Variants in NPAS1 observed in about 807,000 individuals in gnomAD.
The protein encoded by NPAS1 is neuronal PAS domain protein 1, also known as neuronal PAS domain-containing protein 1.
In NPAS1, 29 loss-of-function variants were observed where a neutral mutation model predicts 49.2. The ratio of observed to expected loss-of-function variants is 0.59; its 90% CI spans 0.44 to 0.80. NPAS1 has a LOEUF of 0.80. NPAS1 is among the 30% of genes least tolerant of loss of function. NPAS1 has a pLI of 0.00. For missense variants in NPAS1, 825 were observed against 835.5 expected (o/e 0.99, Z 0.15); for synonymous variants, 408 against 380.4 (o/e 1.07, Z -0.84).
At chr19:47,027,758 C>T (rs73059348) in intron 3 of NPAS1, among the ~76,000 whole-genome samples, 15,148 of 150,172 alleles carry the variant, frequency 0.1, 1,022 homozygotes, top group East Asian at 0.19. Context: ...TCCCTCTCTG[C>T]GCAAGAGATG....
chr19:47,035,233 A>T, intron 5 of NPAS1: 1 of 132,916 alleles, frequency 7.5e-6, no homozygotes. Context: ...AAAGGCTTGA[A>T]GCTGTTGAAG....
chr19:47,040,389 C>A, intron 8 of NPAS1, 55 bp from the exon 9 acceptor site: 1 of 1,270,060 alleles, frequency 7.9e-7, no homozygotes, highest in Non-Finnish European at 1.1e-6. Context: ...CCAACTCTGC[C>A]TCTCCCCCAA....
intron 6 of NPAS1, among the ~76,000 whole-genome samples, chr19:47,037,615 C>G (rs554093998): frequency 6.6e-5 from 10 of 152,196 alleles, no homozygotes; most frequent in African/African-American, 2.4e-4. Flanking sequence ...ACCCTGCCGG[C>G]TCTTTTTAGC....
chr19:47,035,884 G>C, intron 5 of NPAS1, 80 bp from the exon 6 acceptor site: 1 of 1,408,176 alleles, frequency 7.1e-7, no homozygotes, highest in Non-Finnish European at 9.4e-7. Context: ...GGCAAATGAG[G>C]CAAGGCTGAG....
intron 9 of NPAS1, 132 bp from the exon 10 acceptor site, chr19:47,040,846 T>C: frequency 1.3e-6 from 1 of 760,698 alleles, no homozygotes; most frequent in Admixed American, 3.1e-5. Context: ...TTCACCTTTT[T>C]CTCTTCTCCC....
intron 5 of NPAS1, among the ~76,000 whole-genome samples, chr19:47,035,642 G>A (rs566656820): frequency 6.6e-6 from 1 of 152,242 alleles, no homozygotes; most frequent in East Asian, 1.9e-4. Flanking sequence ...TTTGCTGTAT[G>A]GGGGTGGTAG....
intron 5 of NPAS1, 70 bp downstream of exon 5, chr19:47,032,802 C>T: frequency 9.0e-7 from 1 of 1,116,870 alleles, no homozygotes; most frequent in Non-Finnish European, 1.4e-6. Flanking sequence ...GCATATCCTT[C>T]CTCTCTCCTG....
At chr19:47,020,401 G>C (rs1452549388) in intron 1 of NPAS1, among the ~76,000 whole-genome samples, 1 of 151,744 alleles carries the variant, frequency 6.6e-6, no homozygotes, top group African/African-American at 2.4e-5. Flanking sequence ...GCGCGCCGGG[G>C]TCTTCAGGGA....
intron 11 of NPAS1, among the ~76,000 whole-genome samples, chr19:47,044,859 A>AT (rs1242469212): frequency 1.3e-5 from 2 of 151,950 alleles, no homozygotes; most frequent in Non-Finnish European, 2.9e-5. Flanking sequence ...GCGACACCCC[A>AT]TCTCTACTTA....
chr19:47,035,849 C>T, intron 5 of NPAS1, 115 bp from the exon 6 acceptor site: 1 of 1,046,202 alleles, frequency 9.6e-7, no homozygotes. Context: ...AAAAAACACA[C>T]TGGCATGAAG....
chr19:47,027,810 T>G (rs993040819), intron 3 of NPAS1, among the ~76,000 whole-genome samples: 1 of 152,056 alleles, frequency 6.6e-6, no homozygotes, highest in Non-Finnish European at 1.5e-5. Flanking sequence ...AGCAAGTGTT[T>G]GTTAAATGGA....
Position 47,041,139 on chromosome 19 carries a change from C to T in NPAS1, c.1217+14C>T. 2 of 1,560,736 alleles carry T rather than the reference C, an allele frequency of 1.3e-6. No individual in the cohort carries two copies. The highest frequency in any genetic ancestry group is 2.3e-5 in the South Asian group (2 of 85,260). On this transcript the variant is annotated intron_variant, in intron 10 of 11. Coordinates refer to ENST00000602212, the MANE Select transcript of NPAS1 (RefSeq NM_002517.4). The stretch of plus-strand genomic sequence containing the variant: ...CCACGTGCTCAGGTGAGGGCTGTGC[C>T]CACCCCTCCTGCAGGGCACTCAGGG...
intron 8 of NPAS1, 48 bp from the exon 9 acceptor site, chr19:47,040,396 C>G (rs546450185): frequency 7.4e-7 from 1 of 1,354,336 alleles, no homozygotes; most frequent in African/African-American, 1.4e-5. Flanking sequence ...TGCCTCTCCC[C>G]CAACCCCGTG....
At chr19:47,027,184 G>A (rs772559059) in intron 3 of NPAS1, among the ~76,000 whole-genome samples, 5 of 152,158 alleles carry the variant, frequency 3.3e-5, no homozygotes, top group African/African-American at 7.2e-5. Context: ...CCCTCTCCCC[G>A]ACTTCCCTGG....
In NPAS1 at chr19:47,043,564, T is replaced by G. The variant is rs2057044390; in HGVS notation, c.1312+660T>G. ...GAGATCATGCCACTGCACTCCAGTC[T>G]AGGTGACAGAGCAAGATTTAAAACA... is the stretch of plus-strand genomic sequence containing the variant. On this transcript the variant is annotated intron_variant, in intron 11 of 11. Coordinates refer to ENST00000602212, the MANE Select transcript of NPAS1 (RefSeq NM_002517.4). Among the ~76,000 whole-genome samples the G allele has an allele frequency of 2.0e-5, 3 of 151,802 alleles. No homozygotes were observed. In the South Asian group the frequency reaches 6.2e-4, roughly 31 times the overall value.
Position 47,021,236 on chromosome 19 carries a change from T to A in NPAS1, c.122+67T>A. 1 of 1,385,326 alleles carries A rather than the reference T, an allele frequency of 7.2e-7. No homozygotes were observed. Among genetic ancestry groups the A allele is most frequent in the Non-Finnish European group, 9.6e-7 (1 of 1,038,334 alleles). 85.8% of individuals were successfully genotyped at this position (1,385,326 alleles called of 1,614,324 possible). On this transcript the variant is annotated intron_variant, in intron 2 of 11. Transcript: ENST00000602212. The surrounding 1 kb of genome is among the most constrained non-coding windows in gnomAD (Gnocchi z 5.7). ...GGTCCAATTCACACCCGATGTTCTG[T>A]CCCCGTGCCAAGGGGCAGTTCACAC...
At position 47,026,325 on chromosome 19, in the gene NPAS1, C is replaced by T. The variant is rs142568356; in HGVS notation, c.358+4478C>T. Among the ~76,000 whole-genome samples the T allele has an allele frequency of 5.8e-3, 888 of 152,324 alleles. 2 individuals carry two copies. The highest frequency in any genetic ancestry group is 6.5e-3 in the Non-Finnish European group (443 of 68,028). On this transcript the variant is annotated intron_variant, in intron 3 of 11. Coordinates refer to ENST00000602212, the MANE Select transcript of NPAS1 (RefSeq NM_002517.4). ...GAAGAGAGTGACTCAGCAGAGGGAACAGCAGGTGCAAAGGCCCTGAGGCAG... is the reference window on the plus strand; with the variant it reads ...GAAGAGAGTGACTCAGCAGAGGGAATAGCAGGTGCAAAGGCCCTGAGGCAG...
chr19:47,024,054 G>A (rs376273673), intron 3 of NPAS1, among the ~76,000 whole-genome samples: 261 of 151,110 alleles, frequency 1.7e-3, no homozygotes, highest in African/African-American at 4.3e-3. Flanking sequence ...GCAGTGAGCC[G>A]AGATCACACC....
intron 8 of NPAS1, among the ~76,000 whole-genome samples, chr19:47,040,183 C>T (rs1204345713): frequency 6.6e-6 from 1 of 152,114 alleles, no homozygotes; most frequent in East Asian, 1.9e-4. Context: ...CCACCACAAC[C>T]AGCTAATTTT....
Sources: gnomAD v4.1 joint callset for allele counts (sites outside exome capture counted in the v4.1 genomes callset) on GRCh38, gnomAD v4.1.1 for gene constraint, Gnocchi (gnomAD v3.1) non-coding constraint, MANE v1.5 for transcripts, NCBI Gene and HGNC (gene_info 2026-07-23, HGNC 2026-07-21) for gene names.